SPEF2: variants seen among roughly 807,000 people sequenced by gnomAD.
SPEF2 encodes the protein sperm flagellar and cilia associated 2, also known as sperm flagella and cilia-associated protein 2.
SPEF2 carries 187 observed loss-of-function variants against 224.6 expected under a neutral mutation model. That is an observed-to-expected ratio of 0.83 (90% CI 0.74 to 0.94). The LOEUF (loss-of-function observed/expected upper bound fraction) is 0.94, where lower values mean the gene tolerates loss of function less well. Ranked by LOEUF, SPEF2 falls within the 40% of genes least tolerant of loss-of-function variation. The probability of loss-of-function intolerance (pLI) is 0.00; values close to 1 mark genes in which losing one functional copy is unlikely to be tolerated. For synonymous variants in SPEF2, 715 were observed against 707.3 expected (o/e 1.01, Z -0.17); for missense variants, 2,170 against 2,135.6 (o/e 1.02, Z -0.32).
chr5:35,740,550 G>A (rs1331240573), intron 23 of SPEF2, among the ~76,000 whole-genome samples: 1 of 152,064 alleles, frequency 6.6e-6, no homozygotes, highest in Non-Finnish European at 1.5e-5. Context: ...TCTCTTTGTG[G>A]GTCAATGTAA....
chr5:35,759,773 A>G (rs1412561005), intron 25 of SPEF2, 54 bp downstream of exon 25: 1 of 1,412,644 alleles, frequency 7.1e-7, no homozygotes, highest in Non-Finnish European at 9.4e-7. Context: ...AAGCTTTGTG[A>G]TTTAAAATTA....
intron 8 of SPEF2, among the ~76,000 whole-genome samples, chr5:35,664,554 C>A (rs1478149527): frequency 6.6e-6 from 1 of 152,014 alleles, no homozygotes; most frequent in African/African-American, 2.4e-5. Flanking sequence ...ATGGTGTGCA[C>A]CTGTAGTCCC....
Position 35,646,875 on chromosome 5 carries a change from T to G in SPEF2, c.726+68T>G, listed in dbSNP as rs560827868. The G allele has an allele frequency of 4.0e-5, 61 of 1,522,942 alleles. 1 individual carries two copies. The African/African-American group carries it at 7.9e-4, about 20-fold the overall frequency. 94.3% of individuals were successfully genotyped at this position (1,522,942 alleles called of 1,614,324 possible). On this transcript the variant is annotated intron_variant, in intron 5 of 36. Transcript: ENST00000356031. ...TAAAGAATAGTCTGTCTCTGGAACATATAGAGAGACTTTCCAAAACTTCAC... is the reference window on the plus strand; with the variant it reads ...TAAAGAATAGTCTGTCTCTGGAACAGATAGAGAGACTTTCCAAAACTTCAC...
chr5:35,810,461 C>T (rs1233285334), intron 36 of SPEF2, among the ~76,000 whole-genome samples: 2 of 152,196 alleles, frequency 1.3e-5, no homozygotes, highest in African/African-American at 2.4e-5. Flanking sequence ...GATCCACCCG[C>T]CTCAGCCTCC....
chr5:35,657,956 A>G (rs1454047830), intron 7 of SPEF2, among the ~76,000 whole-genome samples: 1 of 152,176 alleles, frequency 6.6e-6, no homozygotes, highest in Non-Finnish European at 1.5e-5. Flanking sequence ...CTATTCCTCT[A>G]TAGAGCTGCT....
At chr5:35,675,839 A>C (rs1301582399) in intron 10 of SPEF2, 1 of 445,348 alleles carries the variant, frequency 2.2e-6, no homozygotes, top group Non-Finnish European at 4.5e-6. Context: ...CGTGGTTACC[A>C]AGAAACAAGG....
At chr5:35,670,599 AAT>A in intron 10 of SPEF2, 1 of 987,628 alleles carries the variant, frequency 1.0e-6, no homozygotes, top group Non-Finnish European at 1.2e-6. Context: ...AATCAATCTA[AAT>A]AATAGACTTT....
intron 2 of SPEF2, among the ~76,000 whole-genome samples, chr5:35,639,268 G>T (rs1165645695): frequency 6.6e-6 from 1 of 152,108 alleles, no homozygotes; most frequent in Non-Finnish European, 1.5e-5. Context: ...TGTGGGAAGA[G>T]GGTCCTACTT....
intron 23 of SPEF2, among the ~76,000 whole-genome samples, chr5:35,746,732 G>T (rs1230930603): frequency 3.3e-5 from 5 of 152,100 alleles, no homozygotes; most frequent in African/African-American, 1.2e-4. Flanking sequence ...AATTATAAAA[G>T]CTTGGAAAAC....
chr5:35,690,901 C>T (rs1297782557), intron 10 of SPEF2, 136 bp from the exon 11 acceptor site: 1 of 614,732 alleles, frequency 1.6e-6, no homozygotes, highest in Non-Finnish European at 2.7e-6. Context: ...TGTTATTACT[C>T]TTTTTATAAT....
chr5:35,742,629 C>T (rs1011523762), intron 23 of SPEF2, among the ~76,000 whole-genome samples: 1 of 151,746 alleles, frequency 6.6e-6, no homozygotes. Flanking sequence ...TGGAAGTTGA[C>T]CATTTTCTCC....
At chr5:35,735,704 T>C (rs903231410) in intron 21 of SPEF2, among the ~76,000 whole-genome samples, 2 of 152,214 alleles carry the variant, frequency 1.3e-5, no homozygotes, top group African/African-American at 2.4e-5. Context: ...ATACTAAATA[T>C]AATATGGATC....
intron 20 of SPEF2, among the ~76,000 whole-genome samples, chr5:35,716,848 A>G (rs545388574): frequency 6.6e-6 from 1 of 152,096 alleles, no homozygotes; most frequent in East Asian, 1.9e-4. Flanking sequence ...GGAACCATCT[A>G]TTTTTTCCTT....
At chr5:35,621,024 C>CT (rs1192903073) in intron 1 of SPEF2, among the ~76,000 whole-genome samples, 1 of 152,120 alleles carries the variant, frequency 6.6e-6, no homozygotes. Flanking sequence ...TTATATATCT[C>CT]TGTTATCTGG....
rs1156952822 is a variant in SPEF2, at chr5:35,787,994, A to C, written c.4448-4346A>C. ...TTGGCTTAAAAAATATCCATGGCTT[A>C]TATATGATGAGCTATTAAATCTTAT... On this transcript the variant is annotated intron_variant, in intron 30 of 36. Transcript: ENST00000356031. 5 of 677,000 alleles carry C rather than the reference A, an allele frequency of 7.4e-6. No individual in the cohort carries two copies. In the Admixed American group the frequency reaches 8.7e-5, roughly 12 times the overall value. 41.9% of individuals were successfully genotyped at this position (677,000 alleles called of 1,614,324 possible).
At chr5:35,633,414 T>C (rs1745398761) in intron 2 of SPEF2, among the ~76,000 whole-genome samples, 1 of 152,262 alleles carries the variant, frequency 6.6e-6, no homozygotes, top group East Asian at 1.9e-4. Context: ...TACTTTTTTT[T>C]CTTAAAGTCA....
In SPEF2 at chr5:35,617,925, G is replaced by A; in HGVS notation, c.-73G>A. The A allele has an allele frequency of 6.8e-7, 1 of 1,467,624 alleles. No individual in the cohort carries two copies. Among genetic ancestry groups the A allele is most frequent in the South Asian group, 1.2e-5 (1 of 82,448 alleles). The allele number at this position is 1,467,624 out of a possible 1,614,324, so 90.9% of individuals were successfully genotyped here. A position where few individuals can be genotyped will look rare whatever the true frequency, so the allele number is the denominator to read the frequency against. On this transcript the variant is annotated 5_prime_UTR_variant, in exon 1 of 37. Coordinates refer to ENST00000356031, the MANE Select transcript of SPEF2 (RefSeq NM_024867.4). ...AAAGGGTTGCCCTTGGCTACAGGAG[G>A]ACGCGGGCTGGCAGGCTTGGTTCCT...
At chr5:35,653,415 A>T (rs1374661092) in intron 6 of SPEF2, among the ~76,000 whole-genome samples, 1 of 152,168 alleles carries the variant, frequency 6.6e-6, no homozygotes, top group Non-Finnish European at 1.5e-5. Flanking sequence ...GAGTTGATAG[A>T]GTAACTTGCA....
In SPEF2 at chr5:35,807,988, T is replaced by C. The variant is rs13357321; in HGVS notation, c.5379+735T>C. On this transcript the variant is annotated intron_variant, in intron 36 of 36. Transcript: ENST00000356031. ...TGTTTGACTCCTGTGAGTTGTGTAT[T>C]GAACTACAAAGTGTTTGCTGAGTTG... The C allele has an allele frequency of 2.9e-3, 3,782 of 1,309,978 alleles. 100 individuals carry two copies. The African/African-American group carries it at 0.051, about 18-fold the overall frequency. 81.1% of individuals were successfully genotyped at this position (1,309,978 alleles called of 1,614,324 possible).
Sources: gnomAD v4.1 joint callset for allele counts (sites outside exome capture counted in the v4.1 genomes callset) on GRCh38, gnomAD v4.1.1 for gene constraint, MANE v1.5 for transcripts, NCBI Gene and HGNC (gene_info 2026-07-23, HGNC 2026-07-21) for gene names.